APC: variants seen among roughly 807,000 people sequenced by gnomAD.
APC encodes the protein adenomatous polyposis coli protein.
In APC, 72 loss-of-function variants were observed where a neutral mutation model predicts 247.0. The ratio of observed to expected loss-of-function variants is 0.29; its 90% CI spans 0.24 to 0.35. The LOEUF (loss-of-function observed/expected upper bound fraction) is 0.35, where lower values mean the gene tolerates loss of function less well. APC is among the 10% of genes least tolerant of loss of function. APC has a pLI of 1.00. For missense variants in APC, 3,400 were observed against 3,360.7 expected, an observed-to-expected ratio of 1.01 and a Z score of -0.29; for synonymous variants, 1,254 against 1,162.5, an observed-to-expected ratio of 1.08 and a Z score of -1.60.
At chr5:112,718,089 G>C (rs1429428981) in intron 1 of APC, among the ~76,000 whole-genome samples, 2 of 149,308 alleles carry the variant, frequency 1.3e-5, no homozygotes, top group Non-Finnish European at 3.0e-5. Flanking sequence ...TTCTTATTTG[G>C]TTCTTTTCAA....
At chr5:112,801,415 ATTAT>A (rs1404080883) in intron 8 of APC, 32 bp downstream of exon 8, 1 of 1,427,422 alleles carries the variant, frequency 7.0e-7, no homozygotes, top group Admixed American at 1.9e-5. Context: ...ATTTTTTAAA[ATTAT>A]TTAAATATCA....
chr5:112,818,855 G>GGGTGTTTTGTTTTTTTTGTGTT, intron 9 of APC, 111 bp from the exon 10 acceptor site: 2 of 1,118,296 alleles, frequency 1.8e-6, no homozygotes, highest in East Asian at 2.6e-5. Context: ...GGCGGGGGGG[G>GGGTGTTTTGTTTTTTTTGTGTT]TTGTTTTGTT....
Position 112,752,802 on chromosome 5 carries a change from T to C in APC, c.-18-2071T>C, listed in dbSNP as rs192869670. Among the ~76,000 whole-genome samples the C allele has an allele frequency of 2.3e-4, 35 of 152,248 alleles. 1 individual carries two copies. In the East Asian group the frequency reaches 6.6e-3, roughly 29 times the overall value. ...TTCTTCCATGAAACTTGTTATTTTT[T>C]CCATAAAGTTAGATTCTTTCTAGAG... On this transcript the variant is annotated intron_variant, in intron 1 of 15. Transcript: ENST00000257430.
At chr5:112,764,990 T>G (rs1268923521) in intron 2 of APC, among the ~76,000 whole-genome samples, 1 of 152,230 alleles carries the variant, frequency 6.6e-6, no homozygotes, top group Non-Finnish European at 1.5e-5. Flanking sequence ...TACAGTCACC[T>G]TCATGCCCCC....
chr5:112,802,359 A>G (rs1455457677), intron 8 of APC, among the ~76,000 whole-genome samples: 3 of 152,170 alleles, frequency 2.0e-5, no homozygotes, highest in African/African-American at 7.2e-5. Context: ...AAAGGCAATC[A>G]TGTTTAAACA....
At chr5:112,808,104 G>A (rs1402606612) in intron 8 of APC, among the ~76,000 whole-genome samples, 3 of 152,078 alleles carry the variant, frequency 2.0e-5, no homozygotes, top group Admixed American at 6.5e-5. Flanking sequence ...GCAGGGAGCC[G>A]AGATCGCACC....
At chr5:112,744,042 A>G (rs930063512) in intron 1 of APC, among the ~76,000 whole-genome samples, 3 of 151,924 alleles carry the variant, frequency 2.0e-5, no homozygotes, top group South Asian at 2.1e-4. Context: ...GAGTCTCACT[A>G]TATTGCACAG....
At chr5:112,755,104 TTTAC>T in intron 2 of APC, 79 bp downstream of exon 2, 1 of 1,586,332 alleles carries the variant, frequency 6.3e-7, no homozygotes, top group Admixed American at 1.7e-5. Flanking sequence ...GGTAAGACAC[TTTAC>T]TTAAAAGTGT....
At chr5:112,736,151 T>C (rs1752369728), upstream of APC, among the ~76,000 whole-genome samples, 1 of 152,258 alleles carries the variant, frequency 6.6e-6, no homozygotes, top group Non-Finnish European at 1.5e-5. Context: ...CAGTGAATCA[T>C]GTGCTTTCAG....
intron 1 of APC, among the ~76,000 whole-genome samples, chr5:112,725,323 A>T (rs1420156762): frequency 6.6e-6 from 1 of 152,182 alleles, no homozygotes; most frequent in Non-Finnish European, 1.5e-5. Flanking sequence ...AAGGTATTCC[A>T]GGCAGTTGTT....
intron 10 of APC, 121 bp downstream of exon 10, chr5:112,819,465 C>A: frequency 1.6e-6 from 2 of 1,283,008 alleles, no homozygotes; most frequent in East Asian, 2.4e-5. Context: ...TTCATATCAG[C>A]CATTTGTGCT....
intron 15 of APC, among the ~76,000 whole-genome samples, chr5:112,836,165 T>TTCCCCCCCCCCCCCCCCCCCCCCCCCC: frequency 4.1e-5 from 1 of 24,478 alleles, no homozygotes; most frequent in Non-Finnish European, 8.5e-5. Flanking sequence ...GGATTACAGG[T>TTCCCCCCCCCCCCCCCCCCCCCCCCCC]CCCCCCCCCC....
At chr5:112,836,868 T>G (rs750172483) in intron 15 of APC, among the ~76,000 whole-genome samples, 1 of 151,896 alleles carries the variant, frequency 6.6e-6, no homozygotes, top group African/African-American at 2.4e-5. Flanking sequence ...GCCCGGCTAA[T>G]TTTTGTATTT....
rs1186847095 is a variant in APC, at chr5:112,839,169, A to C, written c.3575A>C (p.Lys1192Thr). 1 of 1,614,166 alleles carries C rather than the reference A, an allele frequency of 6.2e-7. No homozygotes were observed. Among genetic ancestry groups the C allele is most frequent in the East Asian group, 2.2e-5 (1 of 44,884 alleles). Residue 1192 changes from lysine to threonine, a missense_variant, in exon 16 of 16, where the codon AAA (lysine) becomes ACA (threonine). Physicochemically the swap from Lys to Thr is moderately conservative, Grantham distance 78 (BLOSUM62 -1). Around this residue, in one of 9 missense-constraint regions of APC, gnomAD observed 715 missense variants for 656.6 expected, o/e 1.09. Coordinates refer to ENST00000257430, the MANE Select transcript of APC (RefSeq NM_000038.6). The surrounding 1 kb of genome is among the most constrained non-coding windows in gnomAD (Gnocchi z 5.0). ...KYATDIPSSQ[K>T]QSFSFSKSSS... ...GCCACAGATATTCCTTCATCACAGA[A>C]ACAGTCATTTTCATTCTCAAAGAGT...
chr5:112,757,439 A>G (rs1345428686), intron 2 of APC, among the ~76,000 whole-genome samples: 1 of 152,068 alleles, frequency 6.6e-6, no homozygotes, highest in African/African-American at 2.4e-5. Flanking sequence ...TACCCCCAAA[A>G]AAGGCAAAAG....
intron 5 of APC, chr5:112,777,516 C>T (rs908364139): frequency 4.5e-5 from 7 of 157,108 alleles, no homozygotes; most frequent in African/African-American, 1.7e-4. Flanking sequence ...AAAAGAAAAT[C>T]CACAGCAACT....
Position 112,821,970 on chromosome 5 carries a change from A to C in APC, c.1387A>C (p.Arg463=). The C allele has an allele frequency of 6.2e-7, 1 of 1,612,510 alleles. No homozygotes were observed. Among genetic ancestry groups the C allele is most frequent in the South Asian group, 1.1e-5 (1 of 91,036 alleles). The change falls in exon 11 of 16, where the codon AGA becomes CGA. Residue 463 remains arginine (R), a synonymous_variant. Coordinates refer to ENST00000257430, the MANE Select transcript of APC (RefSeq NM_000038.6). ...GAAACTTTCATTTGATGAAGAGCAT[A>C]GACATGCAATGAATGAACTAGGTAA... The part of the protein sequence containing the change: ...LMKLSFDEEH[R]HAMNELGGLQ...
intron 2 of APC, among the ~76,000 whole-genome samples, chr5:112,761,413 T>A (rs1755656152): frequency 6.6e-6 from 1 of 151,870 alleles, no homozygotes; most frequent in Admixed American, 6.6e-5. Flanking sequence ...AGATAGAAAA[T>A]TTTGACAGAG....
At chr5:112,810,416 C>T (rs1761870154) in intron 8 of APC, 1 of 214,712 alleles carries the variant, frequency 4.7e-6, no homozygotes, top group South Asian at 6.3e-5. Context: ...AGAAGAAGAG[C>T]CACAGTTTTA....
Sources: gnomAD v4.1 joint callset for allele counts (sites outside exome capture counted in the v4.1 genomes callset) on GRCh38, gnomAD v4.1.1 for gene constraint, gnomAD v4.1.1 regional missense constraint, Gnocchi (gnomAD v3.1) non-coding constraint, MANE v1.5 for transcripts, NCBI Gene and HGNC (gene_info 2026-07-23, HGNC 2026-07-21) for gene names.